The following C14orf180 variants were observed in gnomAD, a reference collection of about 807,000 sequenced individuals.
The protein encoded by C14orf180 is nutritionally-regulated adipose and cardiac enriched protein homolog.
A neutral mutation model predicts 13.9 loss-of-function variants in C14orf180; 13 were observed. The ratio of observed to expected loss-of-function variants is 0.94; its 90% CI spans 0.61 to 1.49. The LOEUF (loss-of-function observed/expected upper bound fraction) is 1.49. Ranked by LOEUF, C14orf180 falls within the 40% of genes most tolerant of loss-of-function variation. The pLI is 0.00. For synonymous variants in C14orf180, 113 were observed against 106.3 expected (o/e 1.06, Z -0.39); for missense variants, 238 against 232.0 (o/e 1.03, Z -0.17).
At chr14:104,585,913 A>G (rs1378961551) in intron 1 of C14orf180, among the ~76,000 whole-genome samples, 2 of 152,148 alleles carry the variant, frequency 1.3e-5, no homozygotes, top group African/African-American at 2.4e-5. Flanking sequence ...CCAGCCCAAA[A>G]AGGTGGGCAT....
chr14:104,588,330 C>T (rs1392304284), intron 4 of C14orf180, 21 bp downstream of exon 4: 2 of 1,610,946 alleles, frequency 1.2e-6, no homozygotes, highest in Non-Finnish European at 1.7e-6. Context: ...AGCCCACATC[C>T]CTGTGCCCCA....
At chr14:104,585,810 C>T (rs990065799) in intron 1 of C14orf180, among the ~76,000 whole-genome samples, 2 of 151,940 alleles carry the variant, frequency 1.3e-5, no homozygotes, top group African/African-American at 2.4e-5. Flanking sequence ...GACACAGAAT[C>T]GGCGGGGGCG....
chr14:104,589,052 T>A lies in C14orf180; in HGVS notation c.*269T>A. On this transcript the variant is annotated 3_prime_UTR_variant, in exon 5 of 5. Coordinates refer to ENST00000557649, the MANE Select transcript of C14orf180 (RefSeq NM_001008404.3). The surrounding 1 kb of genome is among the most constrained non-coding windows in gnomAD (Gnocchi z 4.9). ...GATTTTATTAGAAAGAGGATTCGAC[T>A]GCTAACAGTTGAGGCTCCCCAGGCT... is the stretch of plus-strand genomic sequence containing the variant. 1.5e-6 allele frequency: 1 copy of A among 652,444 alleles called. No individual in the cohort carries two copies. Among genetic ancestry groups the A allele is most frequent in the East Asian group, 3.1e-5 (1 of 31,902 alleles). 40.4% of individuals were successfully genotyped at this position (652,444 alleles called of 1,614,324 possible). A position where few individuals can be genotyped will look rare whatever the true frequency, so the allele number is the denominator to read the frequency against.
intron 4 of C14orf180, 67 bp from the exon 5 acceptor site, chr14:104,588,511 C>T (rs1228767116): frequency 6.9e-7 from 1 of 1,439,492 alleles, no homozygotes; most frequent in Non-Finnish European, 9.1e-7. Context: ...CCCTTCCCCA[C>T]CAGCCCCAGT....
chr14:104,582,139 G>A (rs1418822600), intron 1 of C14orf180, among the ~76,000 whole-genome samples: 1 of 152,216 alleles, frequency 6.6e-6, no homozygotes, highest in Non-Finnish European at 1.5e-5. Flanking sequence ...GAGGTGGGCT[G>A]TGGGCAAAAG....
intron 2 of C14orf180, among the ~76,000 whole-genome samples, chr14:104,587,083 A>G (rs1886655634): frequency 6.6e-6 from 1 of 152,162 alleles, no homozygotes; most frequent in Non-Finnish European, 1.5e-5. Context: ...AGCCAGGAAC[A>G]ACCTCAGAGC....
chr14:104,587,994 G>A, intron 3 of C14orf180, 116 bp downstream of exon 3: 2 of 1,327,736 alleles, frequency 1.5e-6, no homozygotes, highest in Non-Finnish European at 1.0e-6. Flanking sequence ...GGGGGCCGTG[G>A]CCACCTGCCT....
At chr14:104,588,031 G>C (rs1023404298) in intron 3 of C14orf180, among the ~76,000 whole-genome samples, 153 bp downstream of exon 3, 1 of 152,192 alleles carries the variant, frequency 6.6e-6, no homozygotes, top group African/African-American at 2.4e-5. Context: ...TGTAAGACCT[G>C]GGCCCCTGGG....
At chr14:104,588,346 C>T in intron 4 of C14orf180, 37 bp downstream of exon 4, 2 of 1,613,020 alleles carry the variant, frequency 1.2e-6, no homozygotes, top group Non-Finnish European at 8.5e-7. Context: ...CCCCACTGCC[C>T]CCTCCGTGGG....
chr14:104,588,756 C>A lies in C14orf180; in HGVS notation c.456C>A (p.Thr152=), dbSNP rs980862823. Residue 152 remains threonine, a synonymous_variant, in exon 5 of 5, where the codon ACC becomes ACA. Transcript: ENST00000557649. The part of the protein sequence containing the change: ...LVLHLRHVAL[T]CWRGLLRL Reference sequence around the variant, plus strand: ...TGCACCTGCGGCACGTGGCCCTCACCTGCTGGCGCGGCCTCCTGCGGCTCT... The same window carrying A: ...TGCACCTGCGGCACGTGGCCCTCACATGCTGGCGCGGCCTCCTGCGGCTCT... 6.5e-7 allele frequency: 1 copy of A among 1,534,290 alleles called. No individual in the cohort carries two copies. The highest frequency in any genetic ancestry group is 8.7e-7 in the Non-Finnish European group (1 of 1,146,296).
Position 104,588,978 on chromosome 14 carries a change from C to T in C14orf180, c.*195C>T. The T allele has an allele frequency of 1.7e-6, 2 of 1,185,594 alleles. No homozygotes were observed. The highest frequency in any genetic ancestry group is 2.3e-6 in the Non-Finnish European group (2 of 874,552). 73.4% of individuals were successfully genotyped at this position (1,185,594 alleles called of 1,614,324 possible). ...ATGGGGGGCACAGCAGGCGGCCCCG[C>T]CACACTAGTCAGCACAGCCCTCCTG... On this transcript the variant is annotated 3_prime_UTR_variant, in exon 5 of 5. Transcript: ENST00000557649.
At chr14:104,587,061 G>A (rs1388363108) in intron 2 of C14orf180, among the ~76,000 whole-genome samples, 4 of 152,178 alleles carry the variant, frequency 2.6e-5, no homozygotes, top group Non-Finnish European at 4.4e-5. Context: ...TGTGTACAGC[G>A]AGCAATGCCC....
chr14:104,587,693 G>T, intron 2 of C14orf180, 56 bp from the exon 3 acceptor site: 1 of 1,596,678 alleles, frequency 6.3e-7, no homozygotes, highest in Non-Finnish European at 8.5e-7. Context: ...CTCAGACCTG[G>T]GTACCAGCGG....
intron 1 of C14orf180, among the ~76,000 whole-genome samples, chr14:104,583,644 G>C (rs951505782): frequency 6.6e-6 from 1 of 152,114 alleles, no homozygotes; most frequent in East Asian, 1.9e-4. Context: ...TCCACATTCC[G>C]GCAGAACTCT....
rs74246322 is a variant in C14orf180, at chr14:104,581,728, G to C, written c.-17+1725G>C. Reference sequence around the variant, plus strand: ...CTGTGAGTCTCCAGCTTCTCCCAGGGAGGTCTCTGGCTTCCCAGGAGCCTG... The same window carrying C: ...CTGTGAGTCTCCAGCTTCTCCCAGGCAGGTCTCTGGCTTCCCAGGAGCCTG... On this transcript the variant is annotated intron_variant, in intron 1 of 4. Coordinates refer to ENST00000557649, the MANE Select transcript of C14orf180 (RefSeq NM_001008404.3). The C allele has an allele frequency of 3.5e-3, 530 of 152,766 alleles. 22 individuals carry two copies. The East Asian group carries it at 0.092, about 27-fold the overall frequency. The allele number at this position is 152,766 out of a possible 1,614,324, so 9.5% of individuals were successfully genotyped here.
At chr14:104,581,937 C>T (rs1395169236) in intron 1 of C14orf180, among the ~76,000 whole-genome samples, 1 of 151,858 alleles carries the variant, frequency 6.6e-6, no homozygotes, top group African/African-American at 2.4e-5. Flanking sequence ...GAGTGTGGGG[C>T]CGCACGCTCA....
chr14:104,588,373 C>G, intron 4 of C14orf180, 64 bp downstream of exon 4: 2 of 1,602,674 alleles, frequency 1.2e-6, no homozygotes, highest in Non-Finnish European at 8.5e-7. Context: ...CACCCTCACT[C>G]CCTCCCCGAG....
At chr14:104,588,143 C>T (rs143966230) in intron 3 of C14orf180, 131 bp from the exon 4 acceptor site, 75 of 1,144,932 alleles carry the variant, frequency 6.6e-5, no homozygotes, top group East Asian at 2.6e-4. Context: ...GTGTCAGGAC[C>T]GGCTGGGCCT....
At chr14:104,586,909 C>T (rs570374270) in intron 2 of C14orf180, among the ~76,000 whole-genome samples, 4 of 152,268 alleles carry the variant, frequency 2.6e-5, no homozygotes, top group African/African-American at 9.6e-5. Context: ...GGGCCCAGAC[C>T]TCAGACCCTG....
Sources: gnomAD v4.1 joint callset for allele counts (sites outside exome capture counted in the v4.1 genomes callset) on GRCh38, gnomAD v4.1.1 for gene constraint, Gnocchi (gnomAD v3.1) non-coding constraint, MANE v1.5 for transcripts, NCBI Gene and HGNC (gene_info 2026-07-23, HGNC 2026-07-21) for gene names.